Variants in RASGRF2 observed in about 807,000 individuals in gnomAD.
RASGRF2 encodes Ras protein specific guanine nucleotide releasing factor 2.
In RASGRF2, 76 loss-of-function variants were observed where a neutral mutation model predicts 151.0. The ratio of observed to expected loss-of-function variants is 0.50; its 90% confidence interval spans 0.42 to 0.61. RASGRF2 has a LOEUF of 0.61. Ranked by LOEUF, RASGRF2 falls within the 20% of genes least tolerant of loss-of-function variation. RASGRF2 has a pLI of 0.00. For missense variants in RASGRF2, 1,148 were observed against 1,564.6 expected, an observed-to-expected ratio of 0.73 and a Z score of 4.49; for synonymous variants, 504 against 566.5, an observed-to-expected ratio of 0.89 and a Z score of 1.57.
At chr5:81,048,813 C>T (rs533719076) in intron 2 of RASGRF2, among the ~76,000 whole-genome samples, 3 of 152,142 alleles carry the variant, frequency 2.0e-5, no homozygotes, top group Non-Finnish European at 4.4e-5. Flanking sequence ...GTTTATTCCT[C>T]GCTCCTTACC....
intron 16 of RASGRF2, among the ~76,000 whole-genome samples, chr5:81,124,624 A>G (rs1753401711): frequency 6.6e-6 from 1 of 152,240 alleles, no homozygotes. Flanking sequence ...TTTGATATAT[A>G]GTTAAGAAAA....
intron 2 of RASGRF2, among the ~76,000 whole-genome samples, chr5:81,050,272 C>G (rs549519207): frequency 6.6e-6 from 1 of 152,166 alleles, no homozygotes; most frequent in African/African-American, 2.4e-5. Flanking sequence ...ACTAGAGTGC[C>G]CTTTCTAAGC....
At chr5:81,217,899 C>T (rs1025595211) in intron 25 of RASGRF2, among the ~76,000 whole-genome samples, 12 of 151,998 alleles carry the variant, frequency 7.9e-5, no homozygotes, top group Non-Finnish European at 1.6e-4. Flanking sequence ...CCTGCCACCA[C>T]GCCTGGCTAA....
At chr5:81,197,251 T>C (rs1755285340) in intron 18 of RASGRF2, among the ~76,000 whole-genome samples, 1 of 149,460 alleles carries the variant, frequency 6.7e-6, no homozygotes, top group South Asian at 2.1e-4. Flanking sequence ...GGTCAGGAGA[T>C]CGAGACCATC....
At chr5:80,969,595 C>G (rs550720277) in intron 1 of RASGRF2, among the ~76,000 whole-genome samples, 13 of 148,758 alleles carry the variant, frequency 8.7e-5, no homozygotes, top group African/African-American at 1.2e-4. Context: ...ACTACAGGCA[C>G]CCGCCACCAC....
At chr5:81,065,930 C>T (rs905011062) in intron 2 of RASGRF2, among the ~76,000 whole-genome samples, 13 of 152,180 alleles carry the variant, frequency 8.5e-5, no homozygotes, top group African/African-American at 2.9e-4. Context: ...ACCTTGGAAG[C>T]GCAGGGAGGG....
At chr5:81,020,500 C>G (rs1187917148) in intron 1 of RASGRF2, among the ~76,000 whole-genome samples, 1 of 151,952 alleles carries the variant, frequency 6.6e-6, no homozygotes, top group East Asian at 1.9e-4. Context: ...ATTTATTCAC[C>G]CAAATATTAT....
intron 2 of RASGRF2, among the ~76,000 whole-genome samples, chr5:81,064,585 T>C (rs1751539861): frequency 6.6e-6 from 1 of 152,162 alleles, no homozygotes. Flanking sequence ...TTTTCATGAG[T>C]GTCTGCTATT....
rs26888 is a variant in RASGRF2 at position 81,085,672 on chromosome 5, A to T, written c.1162-130A>T. On this transcript the variant is annotated intron_variant, in intron 7 of 26. Coordinates refer to ENST00000265080, the MANE Select transcript of RASGRF2 (RefSeq NM_006909.3). ...TTCATTTTATTTGTATTTCTTTTTT[A>T]AAAAATGTGTAAAACAGTAAAAAGT... The T allele has an allele frequency of 0.59, 786,114 of 1,341,430 alleles. 233,762 individuals carry two copies. Among genetic ancestry groups the T allele is most frequent in the Middle Eastern group, 0.71 (2,531 of 3,576 alleles). The allele number at this position is 1,341,430 out of a possible 1,614,324, so 83.1% of individuals were successfully genotyped here.
At chr5:81,037,283 G>C (rs956601854) in intron 1 of RASGRF2, among the ~76,000 whole-genome samples, 5 of 152,124 alleles carry the variant, frequency 3.3e-5, no homozygotes, top group Admixed American at 2.6e-4. Context: ...TTTTCAAACT[G>C]TTAAAAAATA....
At chr5:81,075,462 A>G (rs1247550137) in intron 5 of RASGRF2, among the ~76,000 whole-genome samples, 2 of 152,172 alleles carry the variant, frequency 1.3e-5, no homozygotes, top group Non-Finnish European at 2.9e-5. Context: ...GTTTCTCAGA[A>G]CAATTGTTCA....
At chr5:81,006,461 A>G (rs1039134354) in intron 1 of RASGRF2, among the ~76,000 whole-genome samples, 4 of 152,244 alleles carry the variant, frequency 2.6e-5, no homozygotes, top group African/African-American at 9.6e-5. Flanking sequence ...TACCTTCTAG[A>G]ATAGTCAGTA....
chr5:80,984,398 A>G (rs1005888390), intron 1 of RASGRF2, among the ~76,000 whole-genome samples: 6 of 152,182 alleles, frequency 3.9e-5, no homozygotes, highest in African/African-American at 1.4e-4. Flanking sequence ...CTGATCCCCA[A>G]CATGTTTTAG....
chr5:80,963,304 A>T (rs1034816721), intron 1 of RASGRF2, among the ~76,000 whole-genome samples: 1 of 152,164 alleles, frequency 6.6e-6, no homozygotes, highest in Non-Finnish European at 1.5e-5. Context: ...ATGCTTCTGG[A>T]GCTTTCCATA....
chr5:80,974,976 T>C (rs571557844), intron 1 of RASGRF2, among the ~76,000 whole-genome samples: 18 of 152,334 alleles, frequency 1.2e-4, no homozygotes, highest in African/African-American at 4.3e-4. Context: ...TCAGGTTTTC[T>C]GAGAGCTTGT....
At position 81,059,855 on chromosome 5, in the gene RASGRF2, CA is replaced by C. The variant is rs949706316; in HGVS notation, c.396-8171del. Among the ~76,000 whole-genome samples the C allele has an allele frequency of 2.6e-5, 4 of 151,852 alleles. No individual in the cohort carries two copies. The South Asian group carries it at 6.3e-4, about 24-fold the overall frequency. On this transcript the variant is annotated intron_variant, in intron 2 of 26. Transcript: ENST00000265080. ...GGAGACTCCACCAAAAAACAAAAAA[CA>C]AAAAACAAAAAAAACAACCTGAGGC...
chr5:81,187,481 C>T (rs1486467629), intron 18 of RASGRF2, among the ~76,000 whole-genome samples: 4 of 152,178 alleles, frequency 2.6e-5, no homozygotes, highest in South Asian at 2.1e-4. Flanking sequence ...GTGGTCTCCA[C>T]GATGGCTCCA....
intron 18 of RASGRF2, among the ~76,000 whole-genome samples, chr5:81,188,713 G>C (rs534883624): frequency 6.6e-6 from 1 of 152,174 alleles, no homozygotes; most frequent in Non-Finnish European, 1.5e-5. Context: ...AGAGGAGGTC[G>C]ATGTTGTTAT....
At chr5:81,015,402 AC>A in intron 1 of RASGRF2, among the ~76,000 whole-genome samples, 1 of 152,236 alleles carries the variant, frequency 6.6e-6, no homozygotes, top group South Asian at 2.1e-4. Context: ...AAATTAAAAA[AC>A]CAATAATAAA....
Sources: gnomAD v4.1 joint callset for allele counts (sites outside exome capture counted in the v4.1 genomes callset) on GRCh38, gnomAD v4.1.1 for gene constraint, MANE v1.5 for transcripts, NCBI Gene and HGNC (gene_info 2026-07-23, HGNC 2026-07-21) for gene names.